SHISA6: variants seen among roughly 807,000 people sequenced by gnomAD.
SHISA6 encodes protein shisa-6.
SHISA6 carries 22 observed loss-of-function variants against 47.9 expected under a neutral mutation model. That is an observed-to-expected ratio of 0.46 (90% CI 0.33 to 0.66). The LOEUF (loss-of-function observed/expected upper bound fraction) is 0.66, where lower values mean the gene tolerates loss of function less well. Among genes scored for constraint, SHISA6 ranks in the 30% least tolerant of loss-of-function variants. The pLI is 0.02. For synonymous variants in SHISA6, 388 were observed against 337.8 expected (o/e 1.15, Z -1.63); for missense variants, 680 against 764.6 (o/e 0.89, Z 1.30).
At chr17:11,544,942 C>G (rs1597579680) in intron 3 of SHISA6, among the ~76,000 whole-genome samples, 1 of 111,592 alleles carries the variant, frequency 9.0e-6, no homozygotes, top group African/African-American at 3.7e-5. Context: ...GCCTGGGCAA[C>G]AGAGAAAGAC....
At chr17:11,416,090 G>T (rs115434326) in intron 3 of SHISA6, among the ~76,000 whole-genome samples, 4,472 of 152,114 alleles carry the variant, frequency 0.029, 151 homozygotes, top group African/African-American at 0.071. Flanking sequence ...TGGGGGGTGG[G>T]CTCTACCTTC....
intron 3 of SHISA6, among the ~76,000 whole-genome samples, chr17:11,443,680 C>T (rs1915154174): frequency 1.3e-5 from 2 of 152,152 alleles, no homozygotes; most frequent in African/African-American, 4.8e-5. Context: ...AAGTCTGGCA[C>T]ACAGAGTAAC....
intron 3 of SHISA6, among the ~76,000 whole-genome samples, chr17:11,545,332 G>A (rs564707924): frequency 5.3e-5 from 8 of 152,158 alleles, no homozygotes; most frequent in East Asian, 3.9e-4. Context: ...TAACATTCAC[G>A]AAATAGCAAA....
chr17:11,512,926 G>T (rs1000766426), intron 3 of SHISA6, among the ~76,000 whole-genome samples: 1 of 151,620 alleles, frequency 6.6e-6, no homozygotes, highest in African/African-American at 2.4e-5. Context: ...TCAATTTTTT[G>T]GTATTATCCA....
chr17:11,290,928 A>G (rs1909511985), intron 2 of SHISA6: 1 of 151,968 alleles, frequency 6.6e-6, no homozygotes, highest in African/African-American at 2.4e-5. Context: ...GTCATGCTGT[A>G]GCGCTGGTGA....
chr17:11,319,880 CT>C (rs1910653332), intron 2 of SHISA6, among the ~76,000 whole-genome samples: 1 of 152,344 alleles, frequency 6.6e-6, no homozygotes, highest in African/African-American at 2.4e-5. Context: ...GGTCACAATA[CT>C]GCAGTGTTAA....
intron 3 of SHISA6, among the ~76,000 whole-genome samples, chr17:11,491,193 G>A (rs1460206772): frequency 2.0e-5 from 3 of 152,188 alleles, no homozygotes; most frequent in Non-Finnish European, 4.4e-5. Context: ...ATGACCTGGA[G>A]GGGAGTCATA....
intron 3 of SHISA6, among the ~76,000 whole-genome samples, chr17:11,413,552 C>T (rs1236060076): frequency 6.6e-6 from 1 of 152,150 alleles, no homozygotes; most frequent in Non-Finnish European, 1.5e-5. Flanking sequence ...CCTGAGGAGG[C>T]AATCTGGCTG....
At chr17:11,346,488 A>T (rs1911703132) in intron 2 of SHISA6, among the ~76,000 whole-genome samples, 1 of 152,198 alleles carries the variant, frequency 6.6e-6, no homozygotes. Context: ...GAGGTAGGTG[A>T]TTGCCTGAAG....
At chr17:11,456,510 G>A (rs902337239) in intron 3 of SHISA6, among the ~76,000 whole-genome samples, 1 of 152,178 alleles carries the variant, frequency 6.6e-6, no homozygotes, top group Admixed American at 6.5e-5. Context: ...CCCTCCTCTA[G>A]CTCCAGGCAT....
At chr17:11,246,696 A>C (rs760454771) in intron 1 of SHISA6, among the ~76,000 whole-genome samples, 1 of 152,176 alleles carries the variant, frequency 6.6e-6, no homozygotes, top group African/African-American at 2.4e-5. Context: ...CATGTGCCAC[A>C]GGCTTGGTTT....
intron 2 of SHISA6, among the ~76,000 whole-genome samples, chr17:11,346,381 A>G (rs1347146570): frequency 1.3e-5 from 2 of 152,304 alleles, no homozygotes; most frequent in East Asian, 1.9e-4. Context: ...TGCTAAGATT[A>G]TCTGCATCTG....
chr17:11,470,720 G>T (rs1915915908), intron 3 of SHISA6, among the ~76,000 whole-genome samples: 1 of 151,034 alleles, frequency 6.6e-6, no homozygotes, highest in South Asian at 2.1e-4. Context: ...AGGAGGGGTG[G>T]GGGTGGGGAC....
chr17:11,507,378 C>T (rs1355507980), intron 3 of SHISA6, among the ~76,000 whole-genome samples: 3 of 152,144 alleles, frequency 2.0e-5, no homozygotes, highest in Non-Finnish European at 4.4e-5. Context: ...CCCCACCCTC[C>T]GCCCTACCTG....
At chr17:11,401,744 T>C (rs1406638180) in intron 3 of SHISA6, among the ~76,000 whole-genome samples, 1 of 152,218 alleles carries the variant, frequency 6.6e-6, no homozygotes, top group Non-Finnish European at 1.5e-5. Context: ...CTCCATGTGG[T>C]ACCTCAGAAA....
intron 2 of SHISA6, among the ~76,000 whole-genome samples, chr17:11,320,646 G>T (rs534834770): frequency 1.8e-5 from 2 of 111,114 alleles, no homozygotes; most frequent in Non-Finnish European, 3.8e-5. Flanking sequence ...CAACAAGAGC[G>T]AAACTCCATC....
chr17:11,276,728 G>A (rs1254709285), intron 2 of SHISA6, among the ~76,000 whole-genome samples: 3 of 150,796 alleles, frequency 2.0e-5, no homozygotes, highest in Non-Finnish European at 3.0e-5. Context: ...CATCACCACT[G>A]CTGTCAACAC....
chr17:11,356,368 C>G (rs1486398810), intron 2 of SHISA6, among the ~76,000 whole-genome samples: 1 of 152,178 alleles, frequency 6.6e-6, no homozygotes, highest in Non-Finnish European at 1.5e-5. Flanking sequence ...CCATTGGTCT[C>G]TCTCACTTGC....
chr17:11,522,545 G>A (rs1326416413), intron 3 of SHISA6, among the ~76,000 whole-genome samples: 1 of 152,202 alleles, frequency 6.6e-6, no homozygotes, highest in East Asian at 1.9e-4. Flanking sequence ...GTGTGTTGGG[G>A]ATGCCTGCTA....
Sources: gnomAD v4.1 joint callset for allele counts (sites outside exome capture counted in the v4.1 genomes callset) on GRCh38, gnomAD v4.1.1 for gene constraint, MANE v1.5 for transcripts, NCBI Gene and HGNC (gene_info 2026-07-23, HGNC 2026-07-21) for gene names.